The following TTC6 variants were observed in gnomAD, a reference collection of about 807,000 sequenced individuals.
TTC6 encodes the protein tetratricopeptide repeat protein 6.
Under a neutral mutation model 210.4 loss-of-function variants are expected in TTC6, and 172 were observed. The observed-to-expected ratio is 0.82, with a 90% CI of 0.72 to 0.93. TTC6 has a LOEUF of 0.93. TTC6 is among the 40% of genes least tolerant of loss of function. The pLI, the probability that TTC6 is intolerant of heterozygous loss-of-function variation, is 0.00. For missense variants in TTC6, 2,414 were observed against 2,318.1 expected (o/e 1.04, Z -0.85); for synonymous variants, 804 against 819.6 (o/e 0.98, Z 0.32).
chr14:37,779,057 G>A (rs2096046823), intron 14 of TTC6, among the ~76,000 whole-genome samples: 1 of 152,158 alleles, frequency 6.6e-6, no homozygotes, highest in Non-Finnish European at 1.5e-5. Flanking sequence ...GCCAGCTTAA[G>A]TGTCCATGGG....
chr14:37,670,283 G>C (rs2095755679), intron 1 of TTC6, among the ~76,000 whole-genome samples: 1 of 152,014 alleles, frequency 6.6e-6, no homozygotes. Context: ...CACAAATACT[G>C]TAGCAATGAC....
Position 37,806,358 on chromosome 14 carries a change from T to C in TTC6, c.4165-3T>C. ...TTTGCATTTTGACAATATGCTCCTG[T>C]AGGCTTTTGATTCTTTTACAAAAGC... On this transcript the variant is annotated splice_polypyrimidine_tract_variant and splice_region_variant and intron_variant, in intron 21 of 30. Transcript: ENST00000553443. 3 of 1,534,948 alleles carry C rather than the reference T, an allele frequency of 2.0e-6. No homozygotes were observed. The highest frequency in any genetic ancestry group is 1.7e-6 in the Non-Finnish European group (2 of 1,146,240).
chr14:37,753,570 T>C (rs1442199152), intron 14 of TTC6, among the ~76,000 whole-genome samples: 1 of 152,180 alleles, frequency 6.6e-6, no homozygotes, highest in African/African-American at 2.4e-5. Context: ...CAGTTATCTT[T>C]TGTTTACTTA....
chr14:37,834,213 A>G (rs2139031330), intron 29 of TTC6, among the ~76,000 whole-genome samples: 1 of 152,250 alleles, frequency 6.6e-6, no homozygotes, highest in Middle Eastern at 3.4e-3. Flanking sequence ...AGCTTCCTGT[A>G]TCTATATGTA....
chr14:37,764,764 T>C (rs2095993727), intron 14 of TTC6, among the ~76,000 whole-genome samples: 1 of 151,912 alleles, frequency 6.6e-6, no homozygotes, highest in Non-Finnish European at 1.5e-5. Context: ...TTAACCTATT[T>C]ACATTTAATG....
chr14:37,838,396 A>G (rs1434209653), intron 29 of TTC6, among the ~76,000 whole-genome samples: 1 of 152,238 alleles, frequency 6.6e-6, no homozygotes, highest in Non-Finnish European at 1.5e-5. Context: ...TGGTACTTGC[A>G]GAGCTCTAGC....
At chr14:37,818,167 A>G (rs1202917458) in intron 26 of TTC6, among the ~76,000 whole-genome samples, 1 of 152,164 alleles carries the variant, frequency 6.6e-6, no homozygotes, top group Non-Finnish European at 1.5e-5. Context: ...AAAAAACACA[A>G]TACGTAAAGC....
At chr14:37,647,551 T>A (rs1182886969) in intron 1 of TTC6, among the ~76,000 whole-genome samples, 1 of 152,142 alleles carries the variant, frequency 6.6e-6, no homozygotes, top group Non-Finnish European at 1.5e-5. Context: ...TTTTCTGAGA[T>A]GGTGAAGATC....
At chr14:37,667,217 G>T (rs2095749880) in intron 1 of TTC6, among the ~76,000 whole-genome samples, 1 of 150,112 alleles carries the variant, frequency 6.7e-6, no homozygotes, top group Admixed American at 6.6e-5. Flanking sequence ...AGATTAGATT[G>T]GGGGAGAAGG....
At chr14:37,814,732 T>C (rs1472452797) in intron 25 of TTC6, among the ~76,000 whole-genome samples, 1 of 152,134 alleles carries the variant, frequency 6.6e-6, no homozygotes, top group Non-Finnish European at 1.5e-5. Context: ...AAAAATTCAA[T>C]TTTTCTCTAT....
chr14:37,772,089 G>T (rs1034756239), intron 14 of TTC6, among the ~76,000 whole-genome samples: 1 of 152,150 alleles, frequency 6.6e-6, no homozygotes, highest in Non-Finnish European at 1.5e-5. Context: ...TGCCCCTGCT[G>T]GGGGGTGCCT....
In TTC6 at chr14:37,795,307, G is replaced by T. The variant is rs1271537961; in HGVS notation, c.3746G>T (p.Arg1249Leu). 6.5e-6 allele frequency: 10 copies of T among 1,532,190 alleles called. No individual in the cohort carries two copies. In the South Asian group the frequency reaches 9.6e-5, roughly 15 times the overall value. The allele number at this position is 1,532,190 out of a possible 1,614,324, so 94.9% of individuals were successfully genotyped here. Residue 1249 changes from arginine to leucine, a missense_variant, in exon 18 of 31, where the codon CGT becomes CTT. Arg to Leu is a moderately radical substitution (Grantham distance 102, BLOSUM62 -2). Coordinates refer to ENST00000553443, the Ensembl canonical transcript of TTC6. ...AAAAAGGCAGTAAATGAATTGTCTC[G>T]TGCTATCCACCTTCAGCCAGATGGA... is the stretch of plus-strand genomic sequence containing the variant.
chr14:37,656,429 A>G (rs1336104555), intron 1 of TTC6, among the ~76,000 whole-genome samples: 2 of 152,162 alleles, frequency 1.3e-5, no homozygotes, highest in African/African-American at 2.4e-5. Flanking sequence ...TGAGAGAGAC[A>G]GGCTTCAAAC....
Position 37,751,086 on chromosome 14 carries a change from GA to G in TTC6, c.2997del (p.Asp1000ThrfsTer2), listed in dbSNP as rs767436917. On this transcript the variant is annotated frameshift_variant, in exon 13 of 31. Transcript: ENST00000553443. LOFTEE classifies it high-confidence loss of function. ...TTGTCAAAAGCAGAAATTTACAGGG[GA>G]AAAAAAGACATAACTTTGGCAATTC... 6.6e-6 allele frequency: 10 copies of G among 1,522,292 alleles called. No individual in the cohort carries two copies. The highest frequency in any genetic ancestry group is 4.9e-5 in the East Asian group (2 of 40,558). The allele number at this position is 1,522,292 out of a possible 1,614,324, so 94.3% of individuals were successfully genotyped here.
At chr14:37,771,523 A>G (rs1215662140) in intron 14 of TTC6, among the ~76,000 whole-genome samples, 3 of 151,896 alleles carry the variant, frequency 2.0e-5, no homozygotes, top group Non-Finnish European at 2.9e-5. Context: ...TTTTTTCTCT[A>G]AGCTTCCCTT....
chr14:37,759,179 C>T (rs2095976584), intron 14 of TTC6, among the ~76,000 whole-genome samples: 1 of 150,612 alleles, frequency 6.6e-6, no homozygotes, highest in South Asian at 2.1e-4. Flanking sequence ...AGGAGAATCG[C>T]TTGTACCTGG....
At chr14:37,826,654 C>G (rs2096172538) in intron 28 of TTC6, among the ~76,000 whole-genome samples, 1 of 151,958 alleles carries the variant, frequency 6.6e-6, no homozygotes, top group Non-Finnish European at 1.5e-5. Context: ...AAATAATGTT[C>G]TAGGTTTGAA....
chr14:37,813,389 G>A (rs892026782), intron 25 of TTC6, among the ~76,000 whole-genome samples: 2 of 152,166 alleles, frequency 1.3e-5, no homozygotes, highest in East Asian at 1.9e-4. Context: ...GCAAGAAAAC[G>A]ATGGGCAACA....
At chr14:37,603,967 A>C (rs1240047428) in intron 1 of TTC6, among the ~76,000 whole-genome samples, 1 of 152,198 alleles carries the variant, frequency 6.6e-6, no homozygotes, top group African/African-American at 2.4e-5. Context: ...TTGAGTGTAG[A>C]ATGAGTATGC....
Sources: allele counts gnomAD v4.1 joint callset (sites outside exome capture counted in the v4.1 genomes callset), GRCh38; gene constraint gnomAD v4.1.1; transcripts MANE v1.5; gene names NCBI Gene and HGNC (gene_info 2026-07-23, HGNC 2026-07-21).